RIF1: variants seen among roughly 807,000 people sequenced by gnomAD.
RIF1 encodes telomere-associated protein RIF1.
Under a neutral mutation model 247.1 loss-of-function variants are expected in RIF1, and 45 were observed. The ratio of observed to expected loss-of-function variants is 0.18; its 90% CI spans 0.14 to 0.23. RIF1 has a LOEUF of 0.23. Ranked by LOEUF, RIF1 falls within the 10% of genes least tolerant of loss-of-function variation. The probability of loss-of-function intolerance (pLI) is 1.00; values close to 1 mark genes in which losing one functional copy is unlikely to be tolerated. For missense variants in RIF1, 2,967 were observed against 2,862.5 expected, an observed-to-expected ratio of 1.04 and a Z score of -0.83; for synonymous variants, 1,087 against 978.8, an observed-to-expected ratio of 1.11 and a Z score of -2.06.
chr2:151,501,137 C>T (rs2064151378), intron 11 of RIF1, among the ~76,000 whole-genome samples: 1 of 152,012 alleles, frequency 6.6e-6, no homozygotes, highest in South Asian at 2.1e-4. Flanking sequence ...AATCAATTAA[C>T]TTCAACAGTC....
chr2:151,422,216 C>T (rs1688305176), intron 7 of RIF1, among the ~76,000 whole-genome samples: 1 of 152,002 alleles, frequency 6.6e-6, no homozygotes, highest in Admixed American at 6.6e-5. Context: ...AAAATTATTT[C>T]ACGTGTCTGT....
At position 151,498,397 on chromosome 2, in the gene RIF1, G is replaced by A. The variant is rs1002989264; in HGVS notation, c.*514-948G>A. ...CCAGAACAAAAAAAGCAATCAATCAGTCATTTTCCCCCTGCTTTGGAGCAG... is the reference window on the plus strand; with the variant it reads ...CCAGAACAAAAAAAGCAATCAATCAATCATTTTCCCCCTGCTTTGGAGCAG... On this transcript the variant is annotated intron_variant and NMD_transcript_variant, in intron 10 of 13. Coordinates refer to the RIF1 transcript ENST00000454583. 4 of 1,393,714 alleles carry A rather than the reference G, an allele frequency of 2.9e-6. No individual in the cohort carries two copies. In the African/African-American group the frequency reaches 5.8e-5, roughly 20 times the overall value. 86.3% of individuals were successfully genotyped at this position (1,393,714 alleles called of 1,614,324 possible).
Position 151,463,391 on chromosome 2 carries a change from G to C in RIF1, c.3871G>C (p.Ala1291Pro). ...VNGTKRSSRR[A>P]GKAEQTGNKR... ...TGGAACTAAGAGATCAAGCCGGAGAGCTGGTAAAGCTGAACAAACAGGGAA... is the reference window on the plus strand; with the variant it reads ...TGGAACTAAGAGATCAAGCCGGAGACCTGGTAAAGCTGAACAAACAGGGAA... The change falls in exon 30 of 36, where the codon GCT becomes CCT. Residue 1291 changes from alanine (A) to proline (P), a missense_variant. Around this residue, in one of 7 missense-constraint regions of RIF1, gnomAD observed 2,028 missense variants for 1,825.6 expected, o/e 1.11. Coordinates refer to ENST00000444746, the MANE Select transcript of RIF1 (RefSeq NM_018151.5). The C allele has an allele frequency of 6.2e-7, 1 of 1,613,930 alleles. No individual in the cohort carries two copies. The highest frequency in any genetic ancestry group is 1.6e-4 in the Middle Eastern group (1 of 6,062).
rs1558918337 is a variant in RIF1 at position 151,410,053 on chromosome 2, G to A, written c.-11+20G>A. ...TCCTAGGTGGGATAAATATCGGGGT[G>A]ACAGTGGTAGGCCGCGGGGAACCCT... On this transcript the variant is annotated intron_variant, in intron 1 of 35. Transcript: ENST00000444746. 1 of 702,894 alleles carries A rather than the reference G, an allele frequency of 1.4e-6. No homozygotes were observed. The highest frequency in any genetic ancestry group is 2.7e-5 in the East Asian group (1 of 37,282). 43.5% of individuals were successfully genotyped at this position (702,894 alleles called of 1,614,324 possible). A position where few individuals can be genotyped will look rare whatever the true frequency, so the allele number is the denominator to read the frequency against.
intron 11 of RIF1, among the ~76,000 whole-genome samples, chr2:151,500,771 C>CTAT (rs2063862428): frequency 6.6e-6 from 1 of 151,700 alleles, no homozygotes. Context: ...CTAATTTTTT[C>CTAT]TATTTTTAGC....
Position 151,443,509 on chromosome 2 carries a change from T to A in RIF1, c.1806-20T>A. ...ATTCCTGCCAAAAAGTTGATGCATTTTTTATAATTTTTTGTTCAGGTTCTT... is the reference window on the plus strand; with the variant it reads ...ATTCCTGCCAAAAAGTTGATGCATTATTTATAATTTTTTGTTCAGGTTCTT... On this transcript the variant is annotated intron_variant, in intron 17 of 35. Transcript: ENST00000444746. 5 of 1,538,980 alleles carry A rather than the reference T, an allele frequency of 3.2e-6. No individual in the cohort carries two copies. The highest frequency in any genetic ancestry group is 3.5e-6 in the Non-Finnish European group (4 of 1,148,784).
chr2:151,516,455 T>A, the RIF1 span: 1 of 1,600,016 alleles, frequency 6.2e-7, no homozygotes, highest in Non-Finnish European at 8.6e-7. Context: ...TTTTTTTGAC[T>A]TACCCCACTC....
At chr2:151,420,142 C>G in intron 6 of RIF1, 48 bp from the exon 7 acceptor site, 1 of 1,538,260 alleles carries the variant, frequency 6.5e-7, no homozygotes, top group Middle Eastern at 1.7e-4. Flanking sequence ...CTTGTTTAGA[C>G]TTAAAACATG....
At chr2:151,424,825 ATT>A (rs71000475) in intron 8 of RIF1, among the ~76,000 whole-genome samples, 1,416 of 47,192 alleles carry the variant, frequency 0.03, 22 homozygotes, top group Admixed American at 0.1. Context: ...AGCCCGGCTG[ATT>A]TTTTTTTTTT....
intron 6 of RIF1, among the ~76,000 whole-genome samples, chr2:151,419,114 A>G (rs774972361): frequency 1.5e-4 from 23 of 151,862 alleles, no homozygotes; most frequent in Non-Finnish European, 2.9e-4. Flanking sequence ...AGGGGCAGTA[A>G]CATGCATGGA....
At chr2:151,455,747 C>T (rs556944228) in intron 22 of RIF1, among the ~76,000 whole-genome samples, 9 of 152,044 alleles carry the variant, frequency 5.9e-5, no homozygotes, top group Admixed American at 1.3e-4. Context: ...GGTATCTTGG[C>T]AGGAGGGTGG....
Position 151,433,301 on chromosome 2 carries a change from C to A in RIF1, c.1077+73C>A, listed in dbSNP as rs1690512335. 3 of 1,219,494 alleles carry A rather than the reference C, an allele frequency of 2.5e-6. No individual in the cohort carries two copies. The South Asian group carries it at 4.4e-5, about 18-fold the overall frequency. The allele number at this position is 1,219,494 out of a possible 1,614,324, so 75.5% of individuals were successfully genotyped here. A position where few individuals can be genotyped will look rare whatever the true frequency, so the allele number is the denominator to read the frequency against. ...GTTCTTAAATTCTTACCAATGTAAT[C>A]CTGTGGTGTTATTTTTGCTATTTAT... On this transcript the variant is annotated intron_variant, in intron 10 of 35. Transcript: ENST00000444746.
chr2:151,497,025 G>A (rs1332061304), intron 10 of RIF1: 5 of 1,569,224 alleles, frequency 3.2e-6, no homozygotes. Flanking sequence ...TGTTTTCTTT[G>A]TATAACACCT....
At chr2:151,493,159 C>A (rs1283778784) in intron 9 of RIF1, 3 of 545,670 alleles carry the variant, frequency 5.5e-6, no homozygotes, top group East Asian at 6.1e-5. Context: ...CAGTTAATGT[C>A]TATTTTAGTG....
rs562850745 is a variant in RIF1 at position 151,497,137 on chromosome 2, T to G, written c.*513+1811T>G. On this transcript the variant is annotated intron_variant and NMD_transcript_variant, in intron 10 of 13. Transcript: ENST00000454583. Reference sequence around the variant, plus strand: ...CTTCCTTGTTAAGACAAAACACAGTTGTCCAAGGAGCCAGAAGTTATATGC... The same window carrying G: ...CTTCCTTGTTAAGACAAAACACAGTGGTCCAAGGAGCCAGAAGTTATATGC... The G allele has an allele frequency of 9.3e-6, 13 of 1,394,254 alleles. 1 individual carries two copies. In the South Asian group the frequency reaches 1.7e-4, roughly 19 times the overall value. The allele number at this position is 1,394,254 out of a possible 1,614,324, so 86.4% of individuals were successfully genotyped here. A position where few individuals can be genotyped will look rare whatever the true frequency, so the allele number is the denominator to read the frequency against.
At chr2:151,500,479 A>G (rs937553458) in intron 11 of RIF1, among the ~76,000 whole-genome samples, 111 of 152,194 alleles carry the variant, frequency 7.3e-4, no homozygotes, top group African/African-American at 2.6e-3. Context: ...AAAAGATAAC[A>G]TTAAATATAA....
At chr2:151,488,811 C>CTGG (rs2053517287) in intron 9 of RIF1, among the ~76,000 whole-genome samples, 1 of 152,162 alleles carries the variant, frequency 6.6e-6, no homozygotes, top group African/African-American at 2.4e-5. Context: ...AATTAAATAA[C>CTGG]TTACCCCTTT....
rs578235946 is a variant in RIF1, at chr2:151,435,072, A to G, written c.1078-391A>G. 5.8e-4 allele frequency among the ~76,000 whole-genome samples: 89 copies of G among 152,296 alleles called. 1 individual carries two copies. The highest frequency in any genetic ancestry group is 1.7e-3 in the African/African-American group (69 of 41,556). On this transcript the variant is annotated intron_variant, in intron 10 of 35. Transcript: ENST00000444746. Reference sequence around the variant, plus strand: ...CAAATTCTACCATTATAAGGGTCCAATAGGCTAATTCTTTGCATTTGTCCA... The same window carrying G: ...CAAATTCTACCATTATAAGGGTCCAGTAGGCTAATTCTTTGCATTTGTCCA...
intron 12 of RIF1, chr2:151,503,327 T>G: frequency 6.5e-7 from 1 of 1,531,660 alleles, no homozygotes; most frequent in Non-Finnish European, 9.0e-7. Context: ...AATAGTTTCT[T>G]ATATGATATA....
Sources: allele counts gnomAD v4.1 joint callset (sites outside exome capture counted in the v4.1 genomes callset), GRCh38; gene constraint gnomAD v4.1.1; regional missense constraint gnomAD v4.1.1; transcripts MANE v1.5; gene names NCBI Gene and HGNC (gene_info 2026-07-23, HGNC 2026-07-21).